Variants in ITGA8 observed in about 807,000 individuals in gnomAD.
ITGA8 encodes integrin subunit alpha 8, also known as integrin alpha-8.
Under a neutral mutation model 142.3 loss-of-function variants are expected in ITGA8, and 91 were observed. The ratio of observed to expected loss-of-function variants is 0.64; its 90% CI spans 0.54 to 0.76. The LOEUF is 0.76. ITGA8 is among the 30% of genes least tolerant of loss of function. The pLI is 0.00. For missense variants in ITGA8, 1,406 were observed against 1,327.7 expected, an observed-to-expected ratio of 1.06 and a Z score of -0.92; for synonymous variants, 505 against 485.2, an observed-to-expected ratio of 1.04 and a Z score of -0.54.
At chr10:15,664,642 A>G (rs1247039871) in intron 8 of ITGA8, among the ~76,000 whole-genome samples, 2 of 150,348 alleles carry the variant, frequency 1.3e-5, no homozygotes, top group African/African-American at 4.9e-5. Context: ...CATTAGGTAT[A>G]TCTCCTAATG....
At chr10:15,523,767 A>G (rs1355008374) in intron 28 of ITGA8, among the ~76,000 whole-genome samples, 2 of 151,098 alleles carry the variant, frequency 1.3e-5, no homozygotes, top group Admixed American at 6.6e-5. Context: ...AAAAAAAAAA[A>G]AAAAAAAAAT....
intron 13 of ITGA8, among the ~76,000 whole-genome samples, chr10:15,632,960 A>C (rs901023115): frequency 6.6e-6 from 1 of 152,120 alleles, no homozygotes; most frequent in Non-Finnish European, 1.5e-5. Flanking sequence ...TTGCTGCTAC[A>C]TCACGTGGTT....
At position 15,586,628 on chromosome 10, in the gene ITGA8, G is replaced by T; in HGVS notation, c.2328C>A (p.Ser776Arg). The change falls in exon 23 of 30, where the codon AGC (serine) becomes AGA (arginine). Residue 776 changes from serine (S) to arginine (R), a missense_variant. Transcript: ENST00000378076. Reference protein sequence around the residue: ...NKDNPDSNFVSLQINITAVAQ... With the variant: ...NKDNPDSNFVRLQINITAVAQ... ...CTACAGCAGTGATGTTGATTTGCAGGCTCACAAAATTGCTGTCTGGATTGT... is the reference window on the plus strand; with the variant it reads ...CTACAGCAGTGATGTTGATTTGCAGTCTCACAAAATTGCTGTCTGGATTGT... The T allele has an allele frequency of 6.2e-7, 1 of 1,613,152 alleles. No individual in the cohort carries two copies. Among genetic ancestry groups the T allele is most frequent in the Non-Finnish European group, 8.5e-7 (1 of 1,179,234 alleles).
At chr10:15,613,819 C>T in intron 14 of ITGA8, 52 bp from the exon 15 acceptor site, 1 of 1,252,916 alleles carries the variant, frequency 8.0e-7, no homozygotes, top group Non-Finnish European at 1.2e-6. Flanking sequence ...GGGTGATAGG[C>T]AGGCAGAAGC....
chr10:15,611,222 A>G (rs1260239691), intron 15 of ITGA8, among the ~76,000 whole-genome samples: 1 of 152,180 alleles, frequency 6.6e-6, no homozygotes, highest in East Asian at 1.9e-4. Flanking sequence ...AATCAAAGAA[A>G]CACATTCTAG....
At chr10:15,533,434 C>A (rs948552478) in intron 27 of ITGA8, among the ~76,000 whole-genome samples, 1 of 152,130 alleles carries the variant, frequency 6.6e-6, no homozygotes, top group Non-Finnish European at 1.5e-5. Context: ...AATTCGGAAA[C>A]TTTTGCTCAT....
At chr10:15,642,128 GA>G (rs1008835644) in intron 13 of ITGA8, among the ~76,000 whole-genome samples, 2 of 149,610 alleles carry the variant, frequency 1.3e-5, no homozygotes, top group Non-Finnish European at 1.5e-5. Flanking sequence ...CTCCGTCTCA[GA>G]AAAAAAAAGG....
intron 1 of ITGA8, among the ~76,000 whole-genome samples, chr10:15,719,305 G>A (rs1279911142): frequency 2.6e-5 from 4 of 152,206 alleles, no homozygotes; most frequent in Non-Finnish European, 4.4e-5. Flanking sequence ...TCCTTTGTAG[G>A]ATGCGTGCGT....
chr10:15,642,014 G>C (rs1167642228), intron 13 of ITGA8, among the ~76,000 whole-genome samples: 2 of 152,134 alleles, frequency 1.3e-5, no homozygotes, highest in Non-Finnish European at 2.9e-5. Flanking sequence ...TGTAGTCCCA[G>C]CTACTTGGGA....
intron 6 of ITGA8, among the ~76,000 whole-genome samples, chr10:15,676,096 C>T (rs558279662): frequency 6.6e-6 from 1 of 152,242 alleles, no homozygotes; most frequent in East Asian, 1.9e-4. Context: ...ACCACCCAAG[C>T]TCTTCTTCCC....
At chr10:15,561,780 G>A (rs1833986953) in intron 25 of ITGA8, among the ~76,000 whole-genome samples, 1 of 152,134 alleles carries the variant, frequency 6.6e-6, no homozygotes, top group South Asian at 2.1e-4. Flanking sequence ...GAAGGGTGGG[G>A]TGGTGTATTA....
At chr10:15,702,185 C>T (rs976712386) in intron 2 of ITGA8, among the ~76,000 whole-genome samples, 2 of 152,054 alleles carry the variant, frequency 1.3e-5, no homozygotes, top group South Asian at 2.1e-4. Flanking sequence ...ATCTATATCA[C>T]GTATGCATAC....
intron 13 of ITGA8, among the ~76,000 whole-genome samples, chr10:15,624,822 G>A (rs962573697): frequency 8.5e-5 from 13 of 152,146 alleles, no homozygotes; most frequent in African/African-American, 2.9e-4. Context: ...AAGAGAATTC[G>A]AGATAATGTG....
chr10:15,552,443 T>C (rs1588639792), intron 26 of ITGA8, among the ~76,000 whole-genome samples: 1 of 152,338 alleles, frequency 6.6e-6, no homozygotes, highest in Admixed American at 6.5e-5. Flanking sequence ...CTGTCTAACT[T>C]TGATTTTTCA....
chr10:15,637,783 G>T (rs1390712660), intron 13 of ITGA8, among the ~76,000 whole-genome samples: 1 of 147,896 alleles, frequency 6.8e-6, no homozygotes, highest in African/African-American at 2.5e-5. Context: ...ATGAGCTACC[G>T]TGCCCATCGG....
chr10:15,702,384 G>A (rs1340659423), intron 2 of ITGA8, among the ~76,000 whole-genome samples: 7 of 151,422 alleles, frequency 4.6e-5, no homozygotes, highest in Non-Finnish European at 8.8e-5. Context: ...TCCGCCTCCC[G>A]GATTCAAGCG....
intron 8 of ITGA8, among the ~76,000 whole-genome samples, chr10:15,662,116 C>G (rs10904611): frequency 6.6e-6 from 1 of 151,700 alleles, no homozygotes; most frequent in Non-Finnish European, 1.5e-5. Context: ...GTGAAGTCTG[C>G]AATCTCATGT....
intron 13 of ITGA8, among the ~76,000 whole-genome samples, chr10:15,616,978 A>C (rs1833404061): frequency 6.6e-6 from 1 of 152,230 alleles, no homozygotes; most frequent in Non-Finnish European, 1.5e-5. Flanking sequence ...TTAACCCAGA[A>C]GTGGAACGTT....
At chr10:15,600,593 T>A (rs1209481064) in intron 20 of ITGA8, among the ~76,000 whole-genome samples, 1 of 152,088 alleles carries the variant, frequency 6.6e-6, no homozygotes, top group African/African-American at 2.4e-5. Context: ...TGATCAAGGG[T>A]CTCATGCATT....
Sources: gnomAD v4.1 joint callset for allele counts (sites outside exome capture counted in the v4.1 genomes callset) on GRCh38, gnomAD v4.1.1 for gene constraint, MANE v1.5 for transcripts, NCBI Gene and HGNC (gene_info 2026-07-23, HGNC 2026-07-21) for gene names.